Variants in CACNA2D3 observed in about 807,000 individuals in gnomAD.
CACNA2D3 encodes voltage-dependent calcium channel subunit alpha-2/delta-3.
In CACNA2D3, 60 loss-of-function variants were observed where a neutral mutation model predicts 160.6. The observed-to-expected ratio is 0.37, with a 90% confidence interval of 0.30 to 0.46. CACNA2D3 has a LOEUF of 0.46. Among genes scored for constraint, CACNA2D3 ranks in the 20% least tolerant of loss-of-function variants. CACNA2D3 has a pLI of 1.00. For synonymous variants in CACNA2D3, 558 were observed against 492.9 expected (o/e 1.13, Z -1.75); for missense variants, 1,205 against 1,365.0 (o/e 0.88, Z 1.85).
intron 27 of CACNA2D3, among the ~76,000 whole-genome samples, chr3:54,914,322 C>G (rs1046072732): frequency 2.0e-5 from 3 of 152,090 alleles, no homozygotes; most frequent in African/African-American, 4.8e-5. Flanking sequence ...CAGCAGATAA[C>G]TTTGTCATGA....
At chr3:54,631,466 A>G (rs952615607) in intron 10 of CACNA2D3, among the ~76,000 whole-genome samples, 1 of 152,094 alleles carries the variant, frequency 6.6e-6, no homozygotes, top group African/African-American at 2.4e-5. Context: ...AAGTGATATT[A>G]TTATCTTCCT....
At chr3:55,001,272 G>A (rs1355645395) in intron 31 of CACNA2D3, among the ~76,000 whole-genome samples, 1 of 152,212 alleles carries the variant, frequency 6.6e-6, no homozygotes, top group Non-Finnish European at 1.5e-5. Context: ...ATGCCAATGA[G>A]CTAAGAAAAC....
rs770536011 is a variant in CACNA2D3 at position 54,968,522 on chromosome 3, A to G, written c.2511+11A>G. 3 of 1,603,660 alleles carry G rather than the reference A, an allele frequency of 1.9e-6. No individual in the cohort carries two copies. Among genetic ancestry groups the G allele is most frequent in the Non-Finnish European group, 2.6e-6 (3 of 1,173,580 alleles). On this transcript the variant is annotated intron_variant, in intron 28 of 37. Coordinates refer to ENST00000474759, the MANE Select transcript of CACNA2D3 (RefSeq NM_018398.3). ...ACTGCCAGCAGACAGGTAAGTTATA[A>G]TCAGCATCTTGAAGCATTAGCGACA...
chr3:54,952,117 A>T (rs1041327094), intron 27 of CACNA2D3, among the ~76,000 whole-genome samples: 1 of 152,180 alleles, frequency 6.6e-6, no homozygotes, highest in African/African-American at 2.4e-5. Flanking sequence ...AAGTGCTGGG[A>T]TTACACATGT....
chr3:54,719,027 A>G (rs1306298989), intron 11 of CACNA2D3, among the ~76,000 whole-genome samples: 1 of 151,992 alleles, frequency 6.6e-6, no homozygotes, highest in Non-Finnish European at 1.5e-5. Context: ...ACTTACTGAA[A>G]AGGGTTAATG....
chr3:54,822,250 A>G (rs1703621088), intron 14 of CACNA2D3, among the ~76,000 whole-genome samples: 1 of 152,194 alleles, frequency 6.6e-6, no homozygotes, highest in Non-Finnish European at 1.5e-5. Flanking sequence ...AGTGGACTAC[A>G]GTTTAAATTA....
At chr3:54,725,129 A>G (rs1701252527) in intron 11 of CACNA2D3, among the ~76,000 whole-genome samples, 1 of 152,210 alleles carries the variant, frequency 6.6e-6, no homozygotes, top group South Asian at 2.1e-4. Flanking sequence ...AGAATACTAT[A>G]AACACCTCTA....
chr3:54,948,717 G>A (rs1701678521), intron 27 of CACNA2D3, among the ~76,000 whole-genome samples: 1 of 152,180 alleles, frequency 6.6e-6, no homozygotes, highest in Non-Finnish European at 1.5e-5. Context: ...GCTGTTGTCA[G>A]CTATTGTATT....
chr3:54,539,863 A>G (rs1701944934), intron 5 of CACNA2D3, among the ~76,000 whole-genome samples: 1 of 152,088 alleles, frequency 6.6e-6, no homozygotes, highest in Non-Finnish European at 1.5e-5. Context: ...GTGGCCGGGT[A>G]TTTTAGGACC....
chr3:54,642,168 T>C lies in CACNA2D3; in HGVS notation c.1094T>C (p.Ile365Thr). The change falls in exon 11 of 38, where the codon ATC becomes ACC. Residue 365 changes from isoleucine (I) to threonine (T), a missense_variant. This residue lies in a region of CACNA2D3 where 911 missense variants were observed against 1,002.2 expected (regional missense o/e 0.91). Transcript: ENST00000474759. ...TGQGSICSQA[I>T]MLITDGAVDT... Reference sequence around the variant, plus strand: ...CAAGGAAGTATCTGCAGTCAGGCCATCATGCTCATAACTGATGGGGCGGTG... The same window carrying C: ...CAAGGAAGTATCTGCAGTCAGGCCACCATGCTCATAACTGATGGGGCGGTG... 6.2e-7 allele frequency: 1 copy of C among 1,613,386 alleles called. No individual in the cohort carries two copies. Among genetic ancestry groups the C allele is most frequent in the Non-Finnish European group, 8.5e-7 (1 of 1,179,654 alleles).
intron 2 of CACNA2D3, among the ~76,000 whole-genome samples, chr3:54,241,115 T>C (rs954446153): frequency 6.6e-6 from 1 of 152,218 alleles, no homozygotes; most frequent in African/African-American, 2.4e-5. Context: ...CAGTGGCAAA[T>C]TGGCCCAATA....
intron 2 of CACNA2D3, among the ~76,000 whole-genome samples, chr3:54,265,376 C>T (rs1271308127): frequency 2.0e-5 from 3 of 151,942 alleles, no homozygotes; most frequent in Non-Finnish European, 2.9e-5. Flanking sequence ...CATCACATAC[C>T]TGGGCCTGTT....
At chr3:54,141,305 G>T (rs969485961) in intron 2 of CACNA2D3, among the ~76,000 whole-genome samples, 1 of 152,128 alleles carries the variant, frequency 6.6e-6, no homozygotes, top group African/African-American at 2.4e-5. Flanking sequence ...TCCATTCAAA[G>T]TGCTTTTTCT....
rs957487848 is a variant in CACNA2D3, at chr3:54,514,374, G to A, written c.544+10720G>A. The stretch of plus-strand genomic sequence containing the variant: ...GTTCACTGCAGTGTGTTTAGGAGAA[G>A]TGAATTCCTCCACTATAGCAACTGG... On this transcript the variant is annotated intron_variant, in intron 5 of 37. Coordinates refer to ENST00000474759, the MANE Select transcript of CACNA2D3 (RefSeq NM_018398.3). Among the ~76,000 whole-genome samples, 4 of 152,216 alleles carry A rather than the reference G, an allele frequency of 2.6e-5. No homozygotes were observed. The South Asian group carries it at 8.3e-4, about 32-fold the overall frequency.
chr3:54,817,046 C>G (rs1322808339), intron 14 of CACNA2D3, among the ~76,000 whole-genome samples, 176 bp downstream of exon 14: 1 of 152,142 alleles, frequency 6.6e-6, no homozygotes. Flanking sequence ...GTCCACTGCT[C>G]CTTTGCTGAG....
intron 35 of CACNA2D3, among the ~76,000 whole-genome samples, chr3:55,035,612 C>T (rs1346393211): frequency 6.6e-6 from 1 of 152,146 alleles, no homozygotes; most frequent in East Asian, 1.9e-4. Context: ...TAACCATTTC[C>T]TCACTGGCCT....
intron 5 of CACNA2D3, among the ~76,000 whole-genome samples, chr3:54,560,192 A>AC (rs1411510683): frequency 6.6e-6 from 1 of 152,028 alleles, no homozygotes; most frequent in Admixed American, 6.5e-5. Flanking sequence ...ACTAATTTAC[A>AC]CCCCCACCAA....
At chr3:54,296,954 GT>G (rs1703355905) in intron 2 of CACNA2D3, among the ~76,000 whole-genome samples, 1 of 152,096 alleles carries the variant, frequency 6.6e-6, no homozygotes, top group Admixed American at 6.6e-5. Flanking sequence ...GAGGTCAGGG[GT>G]ACCTTTCTGC....
intron 11 of CACNA2D3, among the ~76,000 whole-genome samples, chr3:54,691,975 A>G (rs994378164): frequency 1.3e-5 from 2 of 150,752 alleles, no homozygotes; most frequent in Non-Finnish European, 3.0e-5. Flanking sequence ...AATAATATTA[A>G]TTTCTTTCTT....
Sources: allele counts gnomAD v4.1 joint callset (sites outside exome capture counted in the v4.1 genomes callset), GRCh38; gene constraint gnomAD v4.1.1; regional missense constraint gnomAD v4.1.1; transcripts MANE v1.5; gene names NCBI Gene and HGNC (gene_info 2026-07-23, HGNC 2026-07-21).